The following MARCHF1 variants were observed in gnomAD, a reference collection of about 807,000 sequenced individuals.
MARCHF1 encodes E3 ubiquitin-protein ligase MARCHF1.
Under a neutral mutation model 54.2 loss-of-function variants are expected in MARCHF1, and 40 were observed. The ratio of observed to expected loss-of-function variants is 0.74; its 90% CI spans 0.57 to 0.96. MARCHF1 has a LOEUF of 0.96. MARCHF1 is among the 40% of genes least tolerant of loss of function. MARCHF1 has a pLI of 0.00. For synonymous variants in MARCHF1, 236 were observed against 236.3 expected, an observed-to-expected ratio of 1.00 and a Z score of 0.01; for missense variants, 586 against 656.5, an observed-to-expected ratio of 0.89 and a Z score of 1.17.
intron 1 of MARCHF1, among the ~76,000 whole-genome samples, chr4:164,298,535 A>C (rs1734469943): frequency 6.6e-6 from 1 of 152,256 alleles, no homozygotes; most frequent in Non-Finnish European, 1.5e-5. Flanking sequence ...CATATTTTGC[A>C]TCACATAATG....
intron 4 of MARCHF1, among the ~76,000 whole-genome samples, chr4:163,820,729 A>G (rs563845810): frequency 1.3e-5 from 2 of 152,148 alleles, no homozygotes; most frequent in African/African-American, 4.8e-5. Context: ...TTTACATTCA[A>G]TCCATCACTA....
intron 2 of MARCHF1, among the ~76,000 whole-genome samples, chr4:164,094,339 A>G (rs982833969): frequency 6.6e-6 from 1 of 152,202 alleles, no homozygotes; most frequent in Non-Finnish European, 1.5e-5. Flanking sequence ...GTACAGGTCA[A>G]CTAAACTAAG....
At chr4:164,360,516 A>G (rs1339559958) in intron 1 of MARCHF1, among the ~76,000 whole-genome samples, 1 of 152,168 alleles carries the variant, frequency 6.6e-6, no homozygotes, top group Non-Finnish European at 1.5e-5. Flanking sequence ...GAACAGGAAT[A>G]TGTTTTATTC....
chr4:164,081,746 A>T (rs2111114626), intron 2 of MARCHF1, among the ~76,000 whole-genome samples: 1 of 152,134 alleles, frequency 6.6e-6, no homozygotes, highest in Admixed American at 6.5e-5. Context: ...ACACATACAC[A>T]CACAAATACA....
At chr4:163,867,076 T>A (rs1191809814) in intron 3 of MARCHF1, among the ~76,000 whole-genome samples, 2 of 151,866 alleles carry the variant, frequency 1.3e-5, no homozygotes, top group African/African-American at 2.4e-5. Context: ...TAGGGTGATA[T>A]CACATGACTC....
intron 1 of MARCHF1, among the ~76,000 whole-genome samples, chr4:164,117,066 T>C (rs897189807): frequency 2.6e-5 from 4 of 151,998 alleles, no homozygotes; most frequent in Non-Finnish European, 4.4e-5. Flanking sequence ...GAAACCAGCC[T>C]GGCCAACATG....
intron 1 of MARCHF1, among the ~76,000 whole-genome samples, chr4:164,288,632 GAAGAT>G (rs1024577672): frequency 6.6e-5 from 10 of 151,998 alleles, no homozygotes; most frequent in Non-Finnish European, 1.3e-4. Context: ...TGCCATACTA[GAAGAT>G]AATATAATAA....
chr4:164,059,559 G>A (rs1208076785), intron 2 of MARCHF1, among the ~76,000 whole-genome samples: 1 of 152,070 alleles, frequency 6.6e-6, no homozygotes, highest in Non-Finnish European at 1.5e-5. Context: ...TACCTATATA[G>A]GAGGCATCGC....
intron 1 of MARCHF1, among the ~76,000 whole-genome samples, chr4:164,166,724 G>T (rs1420547603): frequency 1.3e-5 from 2 of 151,698 alleles, no homozygotes; most frequent in African/African-American, 4.8e-5. Flanking sequence ...ATTTACAGAT[G>T]ACATGATCCT....
At chr4:163,855,684 C>A (rs917124264) in intron 3 of MARCHF1, among the ~76,000 whole-genome samples, 6 of 152,104 alleles carry the variant, frequency 3.9e-5, no homozygotes, top group Non-Finnish European at 7.4e-5. Flanking sequence ...AATTAAATAT[C>A]ACTTTAGTAC....
chr4:164,044,623 G>A (rs77673138), intron 2 of MARCHF1, among the ~76,000 whole-genome samples: 2,227 of 152,206 alleles, frequency 0.015, 48 homozygotes, highest in African/African-American at 0.047. Context: ...TGAGGGAGCA[G>A]GTGGTGGATG....
chr4:163,654,280 A>C (rs1743066181), intron 5 of MARCHF1, among the ~76,000 whole-genome samples: 1 of 151,728 alleles, frequency 6.6e-6, no homozygotes, highest in African/African-American at 2.4e-5. Flanking sequence ...GTCAGTAGCT[A>C]TGGAGAGTTC....
At chr4:163,836,861 C>T (rs185951233) in intron 4 of MARCHF1, among the ~76,000 whole-genome samples, 1 of 151,516 alleles carries the variant, frequency 6.6e-6, no homozygotes, top group Admixed American at 6.6e-5. Context: ...CCCCTGGAAG[C>T]CTCACAGAGT....
rs545210073 is a variant in MARCHF1 at position 163,825,579 on chromosome 4, T to C, written c.111+28442A>G. On this transcript the variant is annotated intron_variant, in intron 4 of 9. Coordinates refer to ENST00000514618, the MANE Select transcript of MARCHF1 (RefSeq NM_001394959.1). ...CCACCAGCAGTGTATAAGCATTCCCTTTATTCCACAATCTTGCCAGCATCT... is the reference window on the plus strand; with the variant it reads ...CCACCAGCAGTGTATAAGCATTCCCCTTATTCCACAATCTTGCCAGCATCT... 2.1e-4 allele frequency among the ~76,000 whole-genome samples: 32 copies of C among 152,186 alleles called. 1 individual carries two copies. The highest frequency in any genetic ancestry group is 3.4e-3 in the Middle Eastern group (1 of 294).
chr4:163,532,422 C>G (rs955464854), intron 9 of MARCHF1, among the ~76,000 whole-genome samples: 8 of 151,638 alleles, frequency 5.3e-5, no homozygotes, highest in Non-Finnish European at 1.5e-5. Context: ...AAATTTTTCA[C>G]AAAAATTAAC....
At chr4:164,004,707 C>T (rs1363447613) in intron 2 of MARCHF1, among the ~76,000 whole-genome samples, 6 of 151,842 alleles carry the variant, frequency 4.0e-5, no homozygotes, top group African/African-American at 1.2e-4. Flanking sequence ...AAATCACCCC[C>T]CCCAACTGGA....
intron 4 of MARCHF1, among the ~76,000 whole-genome samples, chr4:163,844,581 T>G (rs1182582002): frequency 6.6e-6 from 1 of 152,186 alleles, no homozygotes; most frequent in East Asian, 1.9e-4. Flanking sequence ...AGTATAGTGT[T>G]TGGCACATAA....
At chr4:163,996,062 T>C (rs1753069497) in intron 2 of MARCHF1, among the ~76,000 whole-genome samples, 1 of 152,062 alleles carries the variant, frequency 6.6e-6, no homozygotes. Context: ...CTAAGTTTTT[T>C]ATATCTGAAA....
At chr4:164,300,456 CT>C (rs2111393197) in intron 1 of MARCHF1, among the ~76,000 whole-genome samples, 1 of 152,244 alleles carries the variant, frequency 6.6e-6, no homozygotes, top group East Asian at 1.9e-4. Context: ...CCTATAGGCC[CT>C]TTCCAACATT....
Sources: allele counts gnomAD v4.1 joint callset (sites outside exome capture counted in the v4.1 genomes callset), GRCh38; gene constraint gnomAD v4.1.1; transcripts MANE v1.5; gene names NCBI Gene and HGNC (gene_info 2026-07-23, HGNC 2026-07-21).